The following GAN variants were observed in gnomAD, a reference collection of about 807,000 sequenced individuals.
GAN encodes the protein gigaxonin.
A neutral mutation model predicts 71.3 loss-of-function variants in GAN; 48 were observed. That is an observed-to-expected ratio of 0.67 (90% CI 0.53 to 0.86). The LOEUF is 0.86. GAN is among the 40% of genes least tolerant of loss of function. GAN has a pLI of 0.00. For missense variants in GAN, 928 were observed against 770.1 expected (o/e 1.21, Z -2.43); for synonymous variants, 386 against 276.8 (o/e 1.39, Z -3.92).
At chr16:81,354,218 A>G (rs999872748) in intron 2 of GAN, among the ~76,000 whole-genome samples, 187 bp from the exon 3 acceptor site, 2 of 148,510 alleles carry the variant, frequency 1.3e-5, no homozygotes, top group South Asian at 2.2e-4. Context: ...ACATTTGCTT[A>G]TGTTGGTGCC....
chr16:81,351,571 T>C lies in GAN; in HGVS notation c.168-12T>C, dbSNP rs1321918409. On this transcript the variant is annotated splice_polypyrimidine_tract_variant and intron_variant, in intron 1 of 10. Transcript: ENST00000648994. ...CTTTCATAGAAATTTTACATTTTTTTCCCTTTCTTAGGACAAAGTTAAACT... is the reference window on the plus strand; with the variant it reads ...CTTTCATAGAAATTTTACATTTTTTCCCCTTTCTTAGGACAAAGTTAAACT... 3 of 1,099,358 alleles carry C rather than the reference T, an allele frequency of 2.7e-6. No individual in the cohort carries two copies. Among genetic ancestry groups the C allele is most frequent in the South Asian group, 1.2e-5 (1 of 80,626 alleles). The allele number at this position is 1,099,358 out of a possible 1,614,324, so 68.1% of individuals were successfully genotyped here.
chr16:81,329,753 C>T (rs1434542270), intron 1 of GAN, among the ~76,000 whole-genome samples: 1 of 152,194 alleles, frequency 6.6e-6, no homozygotes, highest in Admixed American at 6.5e-5. Context: ...CTCTCCTCCC[C>T]ATCTGTCCCT....
At chr16:81,318,844 G>T (rs143583577) in intron 1 of GAN, among the ~76,000 whole-genome samples, 3 of 152,186 alleles carry the variant, frequency 2.0e-5, no homozygotes, top group Non-Finnish European at 4.4e-5. Flanking sequence ...GAGAGAGCAC[G>T]TGTCATGCAG....
In GAN at chr16:81,377,984, A is replaced by T; in HGVS notation, c.*388A>T. ...TTCAAATACGTAGCTTTGGTAACAA[A>T]CAAAATCCGTATATGCAAATCAACA... On this transcript the variant is annotated 3_prime_UTR_variant, in exon 11 of 11. Coordinates refer to ENST00000648994, the MANE Select transcript of GAN (RefSeq NM_022041.4). 3.5e-6 allele frequency: 1 copy of T among 285,604 alleles called. No homozygotes were observed. The highest frequency in any genetic ancestry group is 6.8e-6 in the Non-Finnish European group (1 of 146,844). The allele number at this position is 285,604 out of a possible 1,614,324, so 17.7% of individuals were successfully genotyped here. A position where few individuals can be genotyped will look rare whatever the true frequency, so the allele number is the denominator to read the frequency against.
At chr16:81,335,704 G>A (rs117958283) in intron 1 of GAN, among the ~76,000 whole-genome samples, 2,808 of 133,334 alleles carry the variant, frequency 0.021, 51 homozygotes, top group South Asian at 0.11. Context: ...CCAAGATCAC[G>A]ACACTGCGCT....
At chr16:81,376,111 T>C (rs1331405636) in intron 9 of GAN, among the ~76,000 whole-genome samples, 1 of 152,124 alleles carries the variant, frequency 6.6e-6, no homozygotes, top group Admixed American at 6.5e-5. Context: ...ACAGTGATAC[T>C]GAGCAGTTGG....
At chr16:81,371,493 A>G (rs1911034604) in intron 9 of GAN, among the ~76,000 whole-genome samples, 1 of 152,210 alleles carries the variant, frequency 6.6e-6, no homozygotes, top group African/African-American at 2.4e-5. Flanking sequence ...TTAGACTTAA[A>G]TTGCAAGCTG....
intron 1 of GAN, among the ~76,000 whole-genome samples, chr16:81,323,623 C>A (rs1272347549): frequency 6.6e-6 from 1 of 152,180 alleles, no homozygotes; most frequent in South Asian, 2.1e-4. Flanking sequence ...AGTAAAGGGA[C>A]CTTCTATATA....
rs139522775 is a variant in GAN, at chr16:81,332,733, T to A, written c.167+17453T>A. Among the ~76,000 whole-genome samples the A allele has an allele frequency of 1.2e-4, 18 of 152,352 alleles. No homozygotes were observed. In the East Asian group the frequency reaches 3.5e-3, roughly 29 times the overall value. On this transcript the variant is annotated intron_variant, in intron 1 of 10. Transcript: ENST00000648994. ...TTGTCTTTCATGACCACAGCTCTTCTGGTGAGTACTAGTCAGTTATTTTAT... is the reference window on the plus strand; with the variant it reads ...TTGTCTTTCATGACCACAGCTCTTCAGGTGAGTACTAGTCAGTTATTTTAT...
rs991417303 is a variant in GAN, at chr16:81,354,329, G to T, written c.283-76G>T. On this transcript the variant is annotated intron_variant, in intron 2 of 10. Transcript: ENST00000648994. ...CTAAAATAAATGGAAATTTCATGTG[G>T]CCCCAATTAATAGGTTAGTGGTTTG... 3 of 877,666 alleles carry T rather than the reference G, an allele frequency of 3.4e-6. No homozygotes were observed. The African/African-American group carries it at 4.9e-5, about 14-fold the overall frequency. The allele number at this position is 877,666 out of a possible 1,614,324, so 54.4% of individuals were successfully genotyped here.
At chr16:81,336,563 A>C (rs935997561) in intron 1 of GAN, among the ~76,000 whole-genome samples, 4 of 152,068 alleles carry the variant, frequency 2.6e-5, no homozygotes, top group African/African-American at 9.7e-5. Flanking sequence ...TACTGGGCTC[A>C]AGCGATCCTC....
At chr16:81,345,843 C>T (rs948858726) in intron 1 of GAN, among the ~76,000 whole-genome samples, 1 of 152,222 alleles carries the variant, frequency 6.6e-6, no homozygotes, top group African/African-American at 2.4e-5. Context: ...TTTCCACAGA[C>T]AGGAGTTCTG....
chr16:81,352,106 G>T (rs1186503049), intron 2 of GAN, among the ~76,000 whole-genome samples: 1 of 152,090 alleles, frequency 6.6e-6, no homozygotes, highest in African/African-American at 2.4e-5. Flanking sequence ...GAACTTCCTG[G>T]GGCGTTGTGG....
At chr16:81,327,593 G>A (rs1437573159) in intron 1 of GAN, among the ~76,000 whole-genome samples, 1 of 150,270 alleles carries the variant, frequency 6.7e-6, no homozygotes, top group African/African-American at 2.5e-5. Flanking sequence ...TATTTAGGAG[G>A]CCTACTTTCT....
At chr16:81,348,010 ATTAT>A (rs1407203520) in intron 1 of GAN, among the ~76,000 whole-genome samples, 1 of 151,874 alleles carries the variant, frequency 6.6e-6, no homozygotes, top group East Asian at 1.9e-4. Context: ...TTTTTAAAAA[ATTAT>A]TTAATAAATT....
chr16:81,319,357 T>C (rs964673302), intron 1 of GAN, among the ~76,000 whole-genome samples: 5 of 152,024 alleles, frequency 3.3e-5, no homozygotes, highest in Non-Finnish European at 7.4e-5. Context: ...ATTTTTCTTT[T>C]GAATATTACA....
At chr16:81,370,358 G>T (rs1228355935) in intron 9 of GAN, among the ~76,000 whole-genome samples, 1 of 152,210 alleles carries the variant, frequency 6.6e-6, no homozygotes, top group African/African-American at 2.4e-5. Context: ...TTCAGTCATG[G>T]TCCAGTCAAG....
Position 81,363,914 on chromosome 16 carries a change from A to G in GAN, c.1207A>G (p.Lys403Glu), listed in dbSNP as rs371431284. Residue 403 changes from lysine to glutamate, a missense_variant, in exon 7 of 11, where the codon AAG (lysine) becomes GAG (glutamate). Lys to Glu is a moderately conservative substitution (Grantham distance 56). Transcript: ENST00000648994. ...CYDIYSKTWT[K>E]QPDLTMVRKI... ...CGATATTTATTCTAAAACCTGGACAAAGCAACCTGATTTGACCATGGTCAG... is the reference window on the plus strand; with the variant it reads ...CGATATTTATTCTAAAACCTGGACAGAGCAACCTGATTTGACCATGGTCAG... 15 of 1,613,600 alleles carry G rather than the reference A, an allele frequency of 9.3e-6. No individual in the cohort carries two copies. In the African/African-American group the frequency reaches 1.7e-4, roughly 19 times the overall value.
At chr16:81,365,250 C>G in intron 8 of GAN, 100 bp from the exon 9 acceptor site, 1 of 1,563,894 alleles carries the variant, frequency 6.4e-7, no homozygotes, top group East Asian at 2.2e-5. Flanking sequence ...GGAAGGCCCA[C>G]GTAGTAATGC....
Sources: gnomAD v4.1 joint callset for allele counts (sites outside exome capture counted in the v4.1 genomes callset) on GRCh38, gnomAD v4.1.1 for gene constraint, MANE v1.5 for transcripts, NCBI Gene and HGNC (gene_info 2026-07-23, HGNC 2026-07-21) for gene names.